YEATS2: variants seen among roughly 807,000 people sequenced by gnomAD.
YEATS2 encodes the protein YEATS domain containing 2, also known as YEATS domain-containing protein 2.
A neutral mutation model predicts 163.2 loss-of-function variants in YEATS2; 77 were observed. The ratio of observed to expected loss-of-function variants is 0.47; its 90% CI spans 0.39 to 0.57. The LOEUF (loss-of-function observed/expected upper bound fraction) is 0.57, where lower values mean the gene tolerates loss of function less well. Ranked by LOEUF, YEATS2 falls within the 20% of genes least tolerant of loss-of-function variation. YEATS2 has a pLI of 0.00. For synonymous variants in YEATS2, 631 were observed against 645.1 expected (o/e 0.98, Z 0.33); for missense variants, 1,549 against 1,729.8 (o/e 0.90, Z 1.85).
At chr3:183,748,166 T>TTGTGGCTC (rs1379209509) in intron 9 of YEATS2, among the ~76,000 whole-genome samples, 3 of 151,650 alleles carry the variant, frequency 2.0e-5, no homozygotes, top group African/African-American at 7.3e-5. Flanking sequence ...ACCAGGAAAC[T>TTGTGGCTC]TGTGGCTCCT....
intron 13 of YEATS2, among the ~76,000 whole-genome samples, chr3:183,760,836 T>G (rs928540460): frequency 6.6e-6 from 1 of 152,226 alleles, no homozygotes; most frequent in Non-Finnish European, 1.5e-5. Context: ...TTTCATTTAT[T>G]TATTTAGTGC....
intron 27 of YEATS2, among the ~76,000 whole-genome samples, chr3:183,805,108 A>G (rs924753440): frequency 1.0e-4 from 15 of 150,428 alleles, no homozygotes; most frequent in Non-Finnish European, 1.6e-4. Context: ...TCAAAGAATA[A>G]GAAGGGTTGG....
intron 7 of YEATS2, among the ~76,000 whole-genome samples, chr3:183,734,663 T>C (rs897111794): frequency 5.9e-5 from 9 of 152,190 alleles, no homozygotes; most frequent in Non-Finnish European, 1.2e-4. Flanking sequence ...GAAGAAGTCA[T>C]TTTGTAATAG....
chr3:183,802,043 AT>A (rs1343529685), intron 25 of YEATS2: 1 of 153,948 alleles, frequency 6.5e-6, no homozygotes, highest in Non-Finnish European at 1.4e-5. Flanking sequence ...CTCTAAGACC[AT>A]TCATCTTTCC....
chr3:183,743,164 T>G (rs1415213616), intron 8 of YEATS2, among the ~76,000 whole-genome samples: 1 of 152,108 alleles, frequency 6.6e-6, no homozygotes, highest in Non-Finnish European at 1.5e-5. Context: ...CTGAGGTATG[T>G]TTGTATAAAA....
intron 2 of YEATS2, among the ~76,000 whole-genome samples, chr3:183,715,720 T>C (rs1174602760): frequency 6.6e-6 from 1 of 152,196 alleles, no homozygotes; most frequent in Non-Finnish European, 1.5e-5. Flanking sequence ...TAATTAAATG[T>C]GTCATATGGT....
intron 21 of YEATS2, among the ~76,000 whole-genome samples, chr3:183,794,280 G>A (rs1321748135): frequency 6.6e-6 from 1 of 152,202 alleles, no homozygotes; most frequent in Non-Finnish European, 1.5e-5. Flanking sequence ...GGGAACTCTG[G>A]CCAGACAAGG....
chr3:183,804,212 A>G (rs906981640), intron 27 of YEATS2, 24 bp downstream of exon 27: 1 of 1,613,316 alleles, frequency 6.2e-7, no homozygotes, highest in Non-Finnish European at 8.5e-7. Context: ...GGCACTGCCC[A>G]GAGCGCCTGG....
chr3:183,744,886 T>C (rs1719360320), intron 8 of YEATS2, among the ~76,000 whole-genome samples: 1 of 152,154 alleles, frequency 6.6e-6, no homozygotes, highest in African/African-American at 2.4e-5. Flanking sequence ...AATCTCACTC[T>C]GTCACCCAGG....
At chr3:183,763,902 T>C (rs527489779) in intron 15 of YEATS2, among the ~76,000 whole-genome samples, 40 of 152,038 alleles carry the variant, frequency 2.6e-4, no homozygotes, top group African/African-American at 9.6e-4. Flanking sequence ...ACCCCATCTC[T>C]ACTAAAAATA....
Position 183,754,299 on chromosome 3 carries a change from G to C in YEATS2, c.1324G>C (p.Val442Leu). 2.5e-6 allele frequency: 4 copies of C among 1,614,134 alleles called. No homozygotes were observed. Among genetic ancestry groups the C allele is most frequent in the Non-Finnish European group, 3.4e-6 (4 of 1,180,006 alleles). The change falls in exon 11 of 31, where the codon GTT becomes CTT. Residue 442 changes from valine (V) to leucine (L), a missense_variant. Coordinates refer to ENST00000305135, the MANE Select transcript of YEATS2 (RefSeq NM_018023.5). ...SSCKIVPQSQVPNPESPGKSF... is the reference protein window; with the variant it reads ...SSCKIVPQSQLPNPESPGKSF... Reference sequence around the variant, plus strand: ...CTGCAAAATTGTTCCACAAAGTCAGGTTCCTAATCCTGAGTCACCTGGAAA... The same window carrying C: ...CTGCAAAATTGTTCCACAAAGTCAGCTTCCTAATCCTGAGTCACCTGGAAA...
intron 6 of YEATS2, among the ~76,000 whole-genome samples, chr3:183,726,497 C>T (rs550106293): frequency 4.6e-5 from 7 of 152,082 alleles, no homozygotes; most frequent in East Asian, 1.9e-4. Flanking sequence ...TAGATTAGGA[C>T]GTTATAAATC....
At chr3:183,744,327 G>C (rs1215856784) in intron 8 of YEATS2, among the ~76,000 whole-genome samples, 1 of 151,676 alleles carries the variant, frequency 6.6e-6, no homozygotes, top group African/African-American at 2.4e-5. Flanking sequence ...ATGTTGGCTA[G>C]GCTGGTCTCA....
chr3:183,699,511 C>A (rs920869823), intron 1 of YEATS2, among the ~76,000 whole-genome samples: 2 of 150,846 alleles, frequency 1.3e-5, no homozygotes, highest in African/African-American at 2.4e-5. Context: ...ATATTCTAGA[C>A]CAGCCTTGGC....
At position 183,762,109 on chromosome 3, in the gene YEATS2, CAG is replaced by C; in HGVS notation, c.1778_1779del (p.Gln593ArgfsTer4). On this transcript the variant is annotated frameshift_variant, in exon 15 of 31. Coordinates refer to ENST00000305135, the MANE Select transcript of YEATS2 (RefSeq NM_018023.5). LOFTEE classifies it high-confidence loss of function. The stretch of plus-strand genomic sequence containing the variant: ...TGTTTGTTGCAAGGTGATCATCAAA[CAG>C]GAACCTGGTGAAGCCCCTCACGTGC... ...LGAFTKVIIK[Q>X]EPGEAPHVPA... 1 of 1,614,120 alleles carries C rather than the reference CAG, an allele frequency of 6.2e-7. No individual in the cohort carries two copies. Among genetic ancestry groups the C allele is most frequent in the Non-Finnish European group, 8.5e-7 (1 of 1,180,008 alleles).
intron 11 of YEATS2, 51 bp from the exon 12 acceptor site, chr3:183,756,477 G>A (rs371195794): frequency 4.6e-4 from 665 of 1,460,214 alleles, no homozygotes; most frequent in Non-Finnish European, 5.7e-4. Context: ...ATCTTCTTAC[G>A]TGAGTTGAAT....
intron 6 of YEATS2, among the ~76,000 whole-genome samples, chr3:183,724,791 A>G (rs1324569383): frequency 6.6e-6 from 1 of 152,154 alleles, no homozygotes; most frequent in Non-Finnish European, 1.5e-5. Flanking sequence ...TGTCCAGACC[A>G]GAATGCAATG....
chr3:183,715,304 T>C (rs1025871971), intron 2 of YEATS2, 42 bp downstream of exon 2: 1 of 1,422,180 alleles, frequency 7.0e-7, no homozygotes, highest in African/African-American at 1.5e-5. Flanking sequence ...TATTGACATA[T>C]GCCTCCGCTA....
chr3:183,770,392 C>CA (rs1018694066), intron 15 of YEATS2, among the ~76,000 whole-genome samples: 8 of 151,808 alleles, frequency 5.3e-5, no homozygotes, highest in African/African-American at 1.9e-4. Context: ...AAACAAAAAA[C>CA]AAAAAAACAA....
Sources: gnomAD v4.1 joint callset for allele counts (sites outside exome capture counted in the v4.1 genomes callset) on GRCh38, gnomAD v4.1.1 for gene constraint, MANE v1.5 for transcripts, NCBI Gene and HGNC (gene_info 2026-07-23, HGNC 2026-07-21) for gene names.